Variants in MTREX observed in about 807,000 individuals in gnomAD.
MTREX encodes Mtr4 exosome RNA helicase.
A neutral mutation model predicts 135.4 loss-of-function variants in MTREX; 76 were observed. The observed-to-expected ratio is 0.56, with a 90% CI of 0.47 to 0.68. MTREX has a LOEUF of 0.68. MTREX is among the 30% of genes least tolerant of loss of function. The pLI, the probability that MTREX is intolerant of heterozygous loss-of-function variation, is 0.00. For missense variants in MTREX, 920 were observed against 1,262.1 expected (o/e 0.73, Z 4.11); for synonymous variants, 404 against 401.6 (o/e 1.01, Z -0.07).
intron 19 of MTREX, among the ~76,000 whole-genome samples, chr5:55,393,582 G>A (rs1472393199): frequency 6.6e-6 from 1 of 152,118 alleles, no homozygotes. Flanking sequence ...TTCTTATATT[G>A]TCTACCACAT....
chr5:55,419,819 CAT>C (rs766203693), intron 25 of MTREX, among the ~76,000 whole-genome samples: 51 of 150,996 alleles, frequency 3.4e-4, no homozygotes, highest in East Asian at 5.9e-4. Context: ...CTGTATGCCA[CAT>C]GTTTTGAAAG....
chr5:55,403,028 A>G (rs1356039987), intron 21 of MTREX, among the ~76,000 whole-genome samples: 4 of 151,738 alleles, frequency 2.6e-5, no homozygotes, highest in Non-Finnish European at 4.4e-5. Context: ...TGAGACCCCC[A>G]TCACTGCAAA....
intron 1 of MTREX, among the ~76,000 whole-genome samples, chr5:55,309,827 A>G (rs895686805): frequency 6.6e-6 from 1 of 152,224 alleles, no homozygotes; most frequent in South Asian, 2.1e-4. Flanking sequence ...GAGAGGGTAC[A>G]TAAGCCTAAA....
intron 21 of MTREX, among the ~76,000 whole-genome samples, chr5:55,402,511 GAAA>G (rs1454150618): frequency 0.014 from 2,093 of 152,264 alleles, 45 homozygotes; most frequent in African/African-American, 0.047. Flanking sequence ...CAAATATACT[GAAA>G]AAGACCTTGT....
chr5:55,366,186 G>A (rs1004725038), intron 15 of MTREX, among the ~76,000 whole-genome samples: 12 of 152,046 alleles, frequency 7.9e-5, no homozygotes, highest in Non-Finnish European at 1.3e-4. Flanking sequence ...GCCACAGTTA[G>A]GAAGACAAAA....
chr5:55,334,584 T>C (rs1749524753), intron 5 of MTREX, among the ~76,000 whole-genome samples: 1 of 152,150 alleles, frequency 6.6e-6, no homozygotes, highest in South Asian at 2.1e-4. Flanking sequence ...TCTATGTGAA[T>C]AGCTTTATTA....
At position 55,322,328 on chromosome 5, in the gene MTREX, A is replaced by T; in HGVS notation, c.136A>T (p.Lys46Ter). Residue 46 changes from lysine to a stop codon, truncating the protein, a stop_gained and splice_region_variant, in exon 2 of 27, where the codon AAA becomes TAA. Coordinates refer to ENST00000230640, the MANE Select transcript of MTREX (RefSeq NM_015360.5). LOFTEE classifies it high-confidence loss of function. ...CATTCCAAACTATTTACTTTTCAGG[A>T]AACGTTTTGATGGTAAATTACAATC... ...GPPGSADKAG[K>*]RFDGKLQSES... The T allele has an allele frequency of 6.3e-7, 1 of 1,593,854 alleles. No homozygotes were observed. The highest frequency in any genetic ancestry group is 1.1e-5 in the South Asian group (1 of 87,124).
chr5:55,375,856 T>G (rs114847216), intron 16 of MTREX, among the ~76,000 whole-genome samples: 2,097 of 152,326 alleles, frequency 0.014, 48 homozygotes, highest in African/African-American at 0.047. Flanking sequence ...TCTACGTTCT[T>G]CTGCCACAGC....
intron 5 of MTREX, among the ~76,000 whole-genome samples, chr5:55,332,256 C>T (rs543002046): frequency 6.4e-4 from 98 of 152,066 alleles, no homozygotes; most frequent in Non-Finnish European, 8.1e-4. Flanking sequence ...ATGTGGATGG[C>T]GTTTTGCAAT....
intron 19 of MTREX, among the ~76,000 whole-genome samples, chr5:55,390,905 G>T (rs1283785351): frequency 6.6e-6 from 1 of 152,172 alleles, no homozygotes; most frequent in Non-Finnish European, 1.5e-5. Flanking sequence ...CAGATTTTTT[G>T]AGGGGGTCAA....
intron 25 of MTREX, among the ~76,000 whole-genome samples, chr5:55,420,466 A>G (rs1172026327): frequency 6.6e-6 from 1 of 152,200 alleles, no homozygotes; most frequent in Non-Finnish European, 1.5e-5. Flanking sequence ...GTGCCAAAGT[A>G]ATTGTGGTTT....
At chr5:55,341,490 A>G (rs1015272561) in intron 6 of MTREX, among the ~76,000 whole-genome samples, 191 bp from the exon 7 acceptor site, 2 of 152,158 alleles carry the variant, frequency 1.3e-5, no homozygotes, top group Admixed American at 6.5e-5. Context: ...ATAATATACA[A>G]CAATGTAATA....
intron 19 of MTREX, among the ~76,000 whole-genome samples, chr5:55,392,187 T>C (rs929760426): frequency 6.6e-6 from 1 of 152,138 alleles, no homozygotes; most frequent in Non-Finnish European, 1.5e-5. Context: ...AGGTCTCTGC[T>C]TGGTTAGTTT....
chr5:55,318,901 TA>T (rs979612548), intron 1 of MTREX, among the ~76,000 whole-genome samples: 1 of 152,106 alleles, frequency 6.6e-6, no homozygotes, highest in Non-Finnish European at 1.5e-5. Flanking sequence ...TGTGAGTACT[TA>T]AAAAAACTTC....
At chr5:55,323,208 C>T (rs937209472) in intron 2 of MTREX, among the ~76,000 whole-genome samples, 5 of 152,078 alleles carry the variant, frequency 3.3e-5, no homozygotes, top group African/African-American at 7.2e-5. Context: ...TAATAAGTTA[C>T]AAAATAATAT....
At chr5:55,380,381 C>T (rs1046031561) in intron 18 of MTREX, among the ~76,000 whole-genome samples, 1 of 152,142 alleles carries the variant, frequency 6.6e-6, no homozygotes, top group African/African-American at 2.4e-5. Flanking sequence ...TTTTCATCAT[C>T]TCAAAAAGAA....
At chr5:55,338,641 T>C (rs1159352075) in intron 5 of MTREX, among the ~76,000 whole-genome samples, 2 of 151,564 alleles carry the variant, frequency 1.3e-5, no homozygotes, top group Admixed American at 6.6e-5. Flanking sequence ...GAGTGTCTCT[T>C]ATTTTTCTAT....
intron 23 of MTREX, 100 bp from the exon 24 acceptor site, chr5:55,414,082 G>A: frequency 1.3e-6 from 1 of 777,908 alleles, no homozygotes; most frequent in Non-Finnish European, 2.0e-6. Context: ...AATTTGATAT[G>A]TGACTATCTT....
intron 18 of MTREX, 81 bp from the exon 19 acceptor site, chr5:55,387,893 A>G: frequency 7.6e-7 from 1 of 1,322,478 alleles, no homozygotes; most frequent in Non-Finnish European, 1.0e-6. Flanking sequence ...TGCTGAGAAA[A>G]TAGTTCCTAT....
Sources: gnomAD v4.1 joint callset for allele counts (sites outside exome capture counted in the v4.1 genomes callset) on GRCh38, gnomAD v4.1.1 for gene constraint, MANE v1.5 for transcripts, NCBI Gene and HGNC (gene_info 2026-07-23, HGNC 2026-07-21) for gene names.